MKLN1: variants seen among roughly 807,000 people sequenced by gnomAD.
The protein encoded by MKLN1 is muskelin.
In MKLN1, 18 loss-of-function variants were observed where a neutral mutation model predicts 99.0. That is an observed-to-expected ratio of 0.18 (90% CI 0.13 to 0.27). The LOEUF (loss-of-function observed/expected upper bound fraction) is 0.27. MKLN1 is among the 10% of genes least tolerant of loss of function. The pLI is 1.00. For synonymous variants in MKLN1, 288 were observed against 293.2 expected, an observed-to-expected ratio of 0.98 and a Z score of 0.18; for missense variants, 621 against 875.9, an observed-to-expected ratio of 0.71 and a Z score of 3.67.
intron 3 of MKLN1, among the ~76,000 whole-genome samples, chr7:131,297,059 G>T (rs989931283): frequency 2.0e-5 from 3 of 150,408 alleles, no homozygotes; most frequent in African/African-American, 7.3e-5. Context: ...CTCTTAAAAA[G>T]ATATATATAC....
intron 3 of MKLN1, among the ~76,000 whole-genome samples, chr7:131,248,420 G>A (rs1797528760): frequency 6.6e-6 from 1 of 152,050 alleles, no homozygotes; most frequent in Admixed American, 6.6e-5. Flanking sequence ...TGCCTTATGG[G>A]TTCTTATACT....
At chr7:131,425,749 G>T (rs893465183) in intron 8 of MKLN1, among the ~76,000 whole-genome samples, 5 of 152,138 alleles carry the variant, frequency 3.3e-5, no homozygotes, top group Non-Finnish European at 7.4e-5. Flanking sequence ...GAACCTATAA[G>T]CATGAGAATG....
In MKLN1 at chr7:131,495,266, A is replaced by G. The variant is rs1218611177; in HGVS notation, c.*7538A>G. On this transcript the variant is annotated 3_prime_UTR_variant, in exon 18 of 18. Transcript: ENST00000352689. ...AAATTAGATTGAGAAGAAAGATACA[A>G]CTTCCTCCATAGCCAATAAAATCTG... 1.3e-5 allele frequency: 2 copies of G among 152,196 alleles called. No homozygotes were observed. Among genetic ancestry groups the G allele is most frequent in the African/African-American group, 4.8e-5 (2 of 41,438 alleles). 9.4% of individuals were successfully genotyped at this position (152,196 alleles called of 1,614,324 possible).
At chr7:131,371,088 T>C (rs995324014) in intron 1 of MKLN1, among the ~76,000 whole-genome samples, 4 of 152,168 alleles carry the variant, frequency 2.6e-5, no homozygotes, top group Non-Finnish European at 5.9e-5. Context: ...TACTGTATCC[T>C]TTGGTGGGTC....
intron 6 of MKLN1, among the ~76,000 whole-genome samples, chr7:131,399,872 G>T (rs1187833288): frequency 6.6e-6 from 1 of 152,138 alleles, no homozygotes; most frequent in Non-Finnish European, 1.5e-5. Context: ...TGGTGTGAAT[G>T]CTATATAATT....
chr7:131,242,517 C>T, intron 3 of MKLN1: 1 of 271,948 alleles, frequency 3.7e-6, no homozygotes, highest in Non-Finnish European at 7.3e-6. Flanking sequence ...GGCTGGGTGA[C>T]AGAGTGTGAC....
chr7:131,311,814 G>A (rs1223005250), intron 3 of MKLN1, among the ~76,000 whole-genome samples: 1 of 145,402 alleles, frequency 6.9e-6, no homozygotes, highest in African/African-American at 2.5e-5. Context: ...GAGACCAACA[G>A]AATCTCTCTT....
At chr7:131,445,672 A>G in intron 11 of MKLN1, 102 bp from the exon 12 acceptor site, 4 of 941,358 alleles carry the variant, frequency 4.2e-6, no homozygotes, top group Non-Finnish European at 6.2e-6. Flanking sequence ...GGGATCTGTT[A>G]TAAAATTACT....
rs571295782 is a variant in MKLN1, at chr7:131,414,770, A to C, written c.847+60A>C. On this transcript the variant is annotated intron_variant, in intron 8 of 17. Coordinates refer to ENST00000352689, the MANE Select transcript of MKLN1 (RefSeq NM_013255.5). ...ATTGGCTACAGGCATCGTCTAAACC[A>C]GGCAGTGGCAGGTAAGGAAGGGGCG... The C allele has an allele frequency of 2.1e-5, 9 of 433,880 alleles. No individual in the cohort carries two copies. The Admixed American group carries it at 3.7e-4, about 18-fold the overall frequency. The allele number at this position is 433,880 out of a possible 1,614,324, so 26.9% of individuals were successfully genotyped here. A position where few individuals can be genotyped will look rare whatever the true frequency, so the allele number is the denominator to read the frequency against.
At chr7:131,373,263 A>G (rs1187842662) in intron 1 of MKLN1, among the ~76,000 whole-genome samples, 1 of 151,972 alleles carries the variant, frequency 6.6e-6, no homozygotes. Context: ...GACAATATAT[A>G]TGTTTATCTT....
At chr7:131,347,568 A>G (rs1196864632) in intron 1 of MKLN1, among the ~76,000 whole-genome samples, 3 of 152,258 alleles carry the variant, frequency 2.0e-5, no homozygotes, top group East Asian at 1.9e-4. Flanking sequence ...ACAGCTTAAC[A>G]TTGCACCAGC....
At chr7:131,393,833 C>A (rs541570915) in intron 4 of MKLN1, among the ~76,000 whole-genome samples, 1 of 151,798 alleles carries the variant, frequency 6.6e-6, no homozygotes, top group Middle Eastern at 3.4e-3. Flanking sequence ...CACTATATTT[C>A]CAGGCTGGTC....
At chr7:131,383,475 C>T (rs1793911796) in intron 2 of MKLN1, among the ~76,000 whole-genome samples, 2 of 152,176 alleles carry the variant, frequency 1.3e-5, no homozygotes, top group South Asian at 4.1e-4. Context: ...CTTAATACAA[C>T]TACATGAATG....
At chr7:131,382,226 G>C (rs931898689) in intron 2 of MKLN1, among the ~76,000 whole-genome samples, 1 of 151,978 alleles carries the variant, frequency 6.6e-6, no homozygotes, top group Non-Finnish European at 1.5e-5. Flanking sequence ...TTAGCCAGGC[G>C]TGGTGGCTCA....
chr7:131,404,433 G>T (rs1794641618), intron 6 of MKLN1, among the ~76,000 whole-genome samples: 1 of 151,964 alleles, frequency 6.6e-6, no homozygotes, highest in African/African-American at 2.4e-5. Flanking sequence ...CTATCCTCCT[G>T]CCTCCTGAGT....
intron 3 of MKLN1, among the ~76,000 whole-genome samples, chr7:131,283,121 G>A (rs1798076089): frequency 6.6e-6 from 1 of 152,130 alleles, no homozygotes; most frequent in African/African-American, 2.4e-5. Context: ...TTATGGGGAT[G>A]GCTCATTATA....
At chr7:131,283,557 C>T (rs1297385837) in intron 3 of MKLN1, among the ~76,000 whole-genome samples, 2 of 151,734 alleles carry the variant, frequency 1.3e-5, no homozygotes, top group African/African-American at 4.8e-5. Context: ...ACCTCAGCCT[C>T]CCGAGTAGCT....
At chr7:131,435,379 T>C (rs1795646510) in intron 9 of MKLN1, among the ~76,000 whole-genome samples, 1 of 152,166 alleles carries the variant, frequency 6.6e-6, no homozygotes, top group South Asian at 2.1e-4. Context: ...TTCTCCTTTG[T>C]AATATTATTT....
At chr7:131,375,098 T>C (rs1247319738) in intron 1 of MKLN1, among the ~76,000 whole-genome samples, 1 of 152,112 alleles carries the variant, frequency 6.6e-6, no homozygotes, top group Non-Finnish European at 1.5e-5. Context: ...TGCACCCAGC[T>C]ATTTTTACCT....
Sources: gnomAD v4.1 joint callset for allele counts (sites outside exome capture counted in the v4.1 genomes callset) on GRCh38, gnomAD v4.1.1 for gene constraint, MANE v1.5 for transcripts, NCBI Gene and HGNC (gene_info 2026-07-23, HGNC 2026-07-21) for gene names.